The following SCN8A variants were observed in gnomAD, a reference collection of about 807,000 sequenced individuals.
The protein encoded by SCN8A is sodium channel protein type 8 subunit alpha.
In SCN8A, 30 loss-of-function variants were observed where a neutral mutation model predicts 184.1. The ratio of observed to expected loss-of-function variants is 0.16; its 90% confidence interval spans 0.12 to 0.22. SCN8A has a LOEUF of 0.22. Among genes scored for constraint, SCN8A ranks in the 10% least tolerant of loss-of-function variants. SCN8A has a pLI of 1.00. For missense variants in SCN8A, 1,057 were observed against 2,498.9 expected, an observed-to-expected ratio of 0.42 and a Z score of 12.30; for synonymous variants, 852 against 907.0, an observed-to-expected ratio of 0.94 and a Z score of 1.09.
At chr12:51,642,007 G>C (rs1940465761) in intron 1 of SCN8A, among the ~76,000 whole-genome samples, 1 of 152,172 alleles carries the variant, frequency 6.6e-6, no homozygotes, top group Non-Finnish European at 1.5e-5. Context: ...TTCTTAAAAA[G>C]TACTTTTTGC....
chr12:51,690,390 C>T (rs929879111), intron 6 of SCN8A, among the ~76,000 whole-genome samples: 4 of 152,162 alleles, frequency 2.6e-5, no homozygotes, highest in South Asian at 2.1e-4. Context: ...CAGGGTCTCA[C>T]TCTGTTGCCC....
At chr12:51,616,363 A>G (rs1485271893) in intron 1 of SCN8A, among the ~76,000 whole-genome samples, 2 of 152,068 alleles carry the variant, frequency 1.3e-5, no homozygotes, top group Non-Finnish European at 2.9e-5. Context: ...GGCCAGGTGC[A>G]GTGGCTCACA....
chr12:51,730,849 C>T (rs1450557466), intron 12 of SCN8A, among the ~76,000 whole-genome samples: 1 of 152,156 alleles, frequency 6.6e-6, no homozygotes, highest in African/African-American at 2.4e-5. Context: ...TCCATCTCCC[C>T]GCTACCCTTC....
intron 14 of SCN8A, among the ~76,000 whole-genome samples, chr12:51,756,258 T>G (rs996823574): frequency 1.3e-5 from 2 of 152,096 alleles, no homozygotes; most frequent in African/African-American, 4.8e-5. Flanking sequence ...GCCCATTGAC[T>G]TTATCCCAAA....
At chr12:51,800,061 C>G (rs375560559) in intron 26 of SCN8A, among the ~76,000 whole-genome samples, 1 of 152,212 alleles carries the variant, frequency 6.6e-6, no homozygotes, top group Admixed American at 6.5e-5. Flanking sequence ...GAAAAGCGAT[C>G]AAGATCTCTG....
chr12:51,774,439 G>A, intron 20 of SCN8A, 77 bp downstream of exon 20: 3 of 1,403,926 alleles, frequency 2.1e-6, no homozygotes, highest in Non-Finnish European at 2.9e-6. Context: ...TCTAATGGCA[G>A]TAGCTGCCCT....
rs373600118 is a variant in SCN8A, at chr12:51,806,675, G to A, written c.5189G>A (p.Ser1730Asn). 1.9e-6 allele frequency: 3 copies of A among 1,614,066 alleles called. No homozygotes were observed. Among genetic ancestry groups the A allele is most frequent in the African/African-American group, 1.3e-5 (1 of 74,932 alleles). ...AGCCTAGATAAGGAACACCCAGGGA[G>A]TGGCTTTAAGGGAGATTGTGGGAAC... Reference protein sequence around the residue: ...DCSLDKEHPGSGFKGDCGNPS... With the variant: ...DCSLDKEHPGNGFKGDCGNPS... Residue 1730 changes from serine to asparagine, a missense_variant, in exon 27 of 27, where the codon AGT (serine) becomes AAT (asparagine). By Grantham distance (46) the Ser-to-Asn change is conservative (BLOSUM62 1). Transcript: ENST00000627620. This position sits in a 1 kb window ranked among gnomAD's most constrained non-coding sequence, Gnocchi z 8.7.
chr12:51,743,635 A>G (rs952315476), intron 12 of SCN8A, among the ~76,000 whole-genome samples: 5 of 152,204 alleles, frequency 3.3e-5, no homozygotes, highest in Non-Finnish European at 7.3e-5. Flanking sequence ...AAGCCAGCAC[A>G]GCACAGGGTC....
At chr12:51,627,317 G>A (rs2138608224) in intron 1 of SCN8A, among the ~76,000 whole-genome samples, 1 of 152,268 alleles carries the variant, frequency 6.6e-6, no homozygotes, top group Non-Finnish European at 1.5e-5. Flanking sequence ...GCCTTAAAGT[G>A]CAATACAATT....
rs1472647616 is a variant in SCN8A at position 51,699,554 on chromosome 12, G to A, written c.707-16G>A. ...GCTTTGAGGTGCCTCTGATTCCGGG[G>A]ATTCTGTCTCCTCAGGCCTGAAGAC... On this transcript the variant is annotated splice_polypyrimidine_tract_variant and intron_variant, in intron 6 of 26. Transcript: ENST00000627620. The A allele has an allele frequency of 2.5e-6, 4 of 1,597,434 alleles. No homozygotes were observed. The highest frequency in any genetic ancestry group is 3.4e-6 in the Non-Finnish European group (4 of 1,168,274).
intron 15 of SCN8A, among the ~76,000 whole-genome samples, chr12:51,763,668 A>C (rs1942795398): frequency 6.6e-6 from 1 of 152,244 alleles, no homozygotes; most frequent in Non-Finnish European, 1.5e-5. Flanking sequence ...AGAATAGTTA[A>C]TGGTATCTTC....
intron 1 of SCN8A, among the ~76,000 whole-genome samples, chr12:51,612,757 T>C (rs1355783230): frequency 1.3e-5 from 2 of 152,130 alleles, no homozygotes; most frequent in South Asian, 2.1e-4. Context: ...GTTTCACTCT[T>C]GTTGACCAGG....
At chr12:51,792,488 CAAAAAAAAAAA>C (rs71092723) in intron 25 of SCN8A, among the ~76,000 whole-genome samples, 5 of 51,592 alleles carry the variant, frequency 9.7e-5, no homozygotes, top group African/African-American at 3.0e-4. Context: ...GACCCTATCT[CAAAAAAAAAAA>C]AAAAAAAAAA....
chr12:51,765,362 A>G (rs541052181), intron 15 of SCN8A, among the ~76,000 whole-genome samples: 10 of 152,308 alleles, frequency 6.6e-5, no homozygotes, highest in African/African-American at 1.9e-4. Context: ...TTAGTAGGAA[A>G]GGGATATGTT....
chr12:51,650,918 G>A (rs1940697989), intron 1 of SCN8A, among the ~76,000 whole-genome samples: 1 of 152,224 alleles, frequency 6.6e-6, no homozygotes, highest in Non-Finnish European at 1.5e-5. Context: ...TTAACAGCAA[G>A]CCAGTCATTA....
At chr12:51,749,268 A>G in intron 13 of SCN8A, among the ~76,000 whole-genome samples, 1 of 152,204 alleles carries the variant, frequency 6.6e-6, no homozygotes, top group Non-Finnish European at 1.5e-5. Context: ...GATGTCTGGT[A>G]TCCCTAGAGG....
At chr12:51,721,978 G>T (rs781524603) in intron 12 of SCN8A, 70 bp downstream of exon 12, 2 of 1,598,592 alleles carry the variant, frequency 1.3e-6, no homozygotes, top group Non-Finnish European at 1.7e-6. Context: ...GCTAGGCATG[G>T]CAGTCTCCCC....
At chr12:51,599,661 C>T (rs1054439760) in intron 1 of SCN8A, among the ~76,000 whole-genome samples, 4 of 152,148 alleles carry the variant, frequency 2.6e-5, no homozygotes, top group African/African-American at 9.7e-5. Flanking sequence ...TATTGGGCAG[C>T]AGTGTCTAAT....
intron 25 of SCN8A, among the ~76,000 whole-genome samples, chr12:51,791,600 T>C (rs1938252652): frequency 6.6e-6 from 1 of 152,254 alleles, no homozygotes; most frequent in Non-Finnish European, 1.5e-5. Flanking sequence ...AGAAAAGGGT[T>C]AACATTTCTA....
Sources: allele counts gnomAD v4.1 joint callset (sites outside exome capture counted in the v4.1 genomes callset), GRCh38; gene constraint gnomAD v4.1.1; non-coding constraint Gnocchi (gnomAD v3.1); transcripts MANE v1.5; gene names NCBI Gene and HGNC (gene_info 2026-07-23, HGNC 2026-07-21).